Variants in HEMK2 observed in about 807,000 individuals in gnomAD.
HEMK2 encodes the protein methyltransferase HEMK2.
the HEMK2 span, among the ~76,000 whole-genome samples, chr21:28,769,269 TGTAA>T: frequency 1.3e-5 from 2 of 152,008 alleles, no homozygotes; most frequent in South Asian, 4.1e-4. Context: ...CTAGATGATG[TGTAA>T]GTATTTTTTC....
chr21:28,593,881 T>C, the HEMK2 span, among the ~76,000 whole-genome samples: 2 of 152,160 alleles, frequency 1.3e-5, no homozygotes, highest in South Asian at 4.1e-4. Context: ...CTCATCGAGG[T>C]AGAGCATCAT....
the HEMK2 span, among the ~76,000 whole-genome samples, chr21:28,611,502 T>C: frequency 6.6e-6 from 1 of 152,092 alleles, no homozygotes; most frequent in Non-Finnish European, 1.5e-5. Flanking sequence ...GATAAATGCC[T>C]AGAAATATAC....
chr21:28,641,670 G>T, the HEMK2 span, among the ~76,000 whole-genome samples: 1 of 152,198 alleles, frequency 6.6e-6, no homozygotes, highest in Non-Finnish European at 1.5e-5. Context: ...AAACCCTAAT[G>T]AACAGGAACT....
chr21:28,752,053 C>T, the HEMK2 span, among the ~76,000 whole-genome samples: 4 of 152,160 alleles, frequency 2.6e-5, no homozygotes, highest in Non-Finnish European at 5.9e-5. Context: ...CTTTCACTGT[C>T]TAAAAACAAT....
chr21:28,680,319 T>C, the HEMK2 span, among the ~76,000 whole-genome samples: 1 of 152,180 alleles, frequency 6.6e-6, no homozygotes, highest in Non-Finnish European at 1.5e-5. Context: ...GATAAATTCC[T>C]CGACACATAC....
the HEMK2 span, among the ~76,000 whole-genome samples, chr21:28,717,532 T>TC: frequency 6.8e-3 from 963 of 142,348 alleles, 29 homozygotes; most frequent in Admixed American, 0.055. Flanking sequence ...CAGGCTGGAG[T>TC]ACAGTGGCAT....
At chr21:28,796,790 A>C in the HEMK2 span, among the ~76,000 whole-genome samples, 4 of 151,912 alleles carry the variant, frequency 2.6e-5, no homozygotes, top group African/African-American at 7.2e-5. Context: ...GGCTGGTCTC[A>C]GACTCCTGGG....
chr21:28,743,613 A>G, the HEMK2 span, among the ~76,000 whole-genome samples: 1 of 152,158 alleles, frequency 6.6e-6, no homozygotes, highest in Non-Finnish European at 1.5e-5. Flanking sequence ...GAAGGGAGGG[A>G]GGAAAGAAAA....
At chr21:28,607,187 G>C in the HEMK2 span, among the ~76,000 whole-genome samples, 1 of 152,124 alleles carries the variant, frequency 6.6e-6, no homozygotes, top group South Asian at 2.1e-4. Flanking sequence ...AAAGCGGGTG[G>C]ATTGCCTCAG....
the HEMK2 span, among the ~76,000 whole-genome samples, chr21:28,860,195 T>C: frequency 6.6e-6 from 1 of 152,062 alleles, no homozygotes; most frequent in Non-Finnish European, 1.5e-5. Flanking sequence ...CCACCCTTAA[T>C]CTGGGTGGGC....
the HEMK2 span, among the ~76,000 whole-genome samples, chr21:28,844,637 T>G: frequency 1.3e-5 from 2 of 152,102 alleles, no homozygotes; most frequent in Non-Finnish European, 2.9e-5. Context: ...TGTTGGCAAA[T>G]GGCTTTCCCA....
chr21:28,624,572 C>T, the HEMK2 span, among the ~76,000 whole-genome samples: 1 of 152,140 alleles, frequency 6.6e-6, no homozygotes, highest in Non-Finnish European at 1.5e-5. Flanking sequence ...TGTGTCTGGT[C>T]CCATCACTGT....
chr21:28,746,061 T>C, the HEMK2 span, among the ~76,000 whole-genome samples: 2 of 152,180 alleles, frequency 1.3e-5, no homozygotes, highest in Admixed American at 6.5e-5. Context: ...GGATACTCTA[T>C]CAAATAACAG....
chr21:28,834,260 G>A, the HEMK2 span, among the ~76,000 whole-genome samples: 2 of 152,200 alleles, frequency 1.3e-5, no homozygotes, highest in African/African-American at 2.4e-5. Flanking sequence ...GCAATCCTGA[G>A]AGGACCCACA....
chr21:28,781,324 C>G, the HEMK2 span, among the ~76,000 whole-genome samples: 1 of 152,184 alleles, frequency 6.6e-6, no homozygotes, highest in African/African-American at 2.4e-5. Context: ...TCAACCTGTT[C>G]ATCCATCTCT....
the HEMK2 span, among the ~76,000 whole-genome samples, chr21:28,789,574 G>C: frequency 6.6e-6 from 1 of 152,196 alleles, no homozygotes; most frequent in African/African-American, 2.4e-5. Context: ...AATGCCTTGG[G>C]GTAGAAGTAG....
At chr21:28,718,867 A>T in the HEMK2 span, among the ~76,000 whole-genome samples, 1 of 152,214 alleles carries the variant, frequency 6.6e-6, no homozygotes. Flanking sequence ...AAGACAAAAG[A>T]GTAGATGAAA....
At chr21:28,713,021 G>C in the HEMK2 span, among the ~76,000 whole-genome samples, 1 of 152,122 alleles carries the variant, frequency 6.6e-6, no homozygotes, top group African/African-American at 2.4e-5. Flanking sequence ...TGTGAAATAT[G>C]TCTGCAAGTA....
chr21:28,717,845 C>T, the HEMK2 span, among the ~76,000 whole-genome samples: 1 of 151,864 alleles, frequency 6.6e-6, no homozygotes. Flanking sequence ...TCTAGTTAGC[C>T]GTCTATTGAT....
Sources: allele counts gnomAD v4.1 joint callset (sites outside exome capture counted in the v4.1 genomes callset), GRCh38; gene constraint gnomAD v4.1.1; transcripts MANE v1.5; gene names NCBI Gene and HGNC (gene_info 2026-07-23, HGNC 2026-07-21).